Variants in C14orf39 observed in about 807,000 individuals in gnomAD.
C14orf39 encodes chromosome 14 open reading frame 39.
In C14orf39, 66 loss-of-function variants were observed where a neutral mutation model predicts 85.6. The ratio of observed to expected loss-of-function variants is 0.77; its 90% confidence interval spans 0.63 to 0.95. The LOEUF is 0.95. Ranked by LOEUF, C14orf39 falls within the 40% of genes least tolerant of loss-of-function variation. The pLI, the probability that C14orf39 is intolerant of heterozygous loss-of-function variation, is 0.00. For missense variants in C14orf39, 735 were observed against 663.9 expected (o/e 1.11, Z -1.18); for synonymous variants, 242 against 214.0 (o/e 1.13, Z -1.14).
At chr14:60,505,770 A>G (rs1391514636) in intron 1 of C14orf39, among the ~76,000 whole-genome samples, 2 of 152,382 alleles carry the variant, frequency 1.3e-5, no homozygotes, top group East Asian at 3.9e-4. Flanking sequence ...AAAGTCAAAG[A>G]AAAGATAAGA....
At chr14:60,481,420 G>C (rs1034157348) in intron 4 of C14orf39, among the ~76,000 whole-genome samples, 2 of 152,102 alleles carry the variant, frequency 1.3e-5, no homozygotes, top group Non-Finnish European at 2.9e-5. Flanking sequence ...ACTTTGGGAG[G>C]CCGAAGTGGG....
In C14orf39 at chr14:60,484,774, C is replaced by T. The variant is rs529789957; in HGVS notation, c.106+107G>A. On this transcript the variant is annotated intron_variant, in intron 3 of 17. Transcript: ENST00000321731. The surrounding 1 kb of genome is among the most constrained non-coding windows in gnomAD (Gnocchi z 4.2). ...TATTTGTCGCTAGAGAGAACTGACACAAAAGTTATAACGCCAACAATAAGT... is the reference window on the plus strand; with the variant it reads ...TATTTGTCGCTAGAGAGAACTGACATAAAAGTTATAACGCCAACAATAAGT... 1.0e-5 allele frequency: 8 copies of T among 775,258 alleles called. No homozygotes were observed. Among genetic ancestry groups the T allele is most frequent in the East Asian group, 2.7e-5 (1 of 37,080 alleles). The allele number at this position is 775,258 out of a possible 1,614,324, so 48.0% of individuals were successfully genotyped here.
chr14:60,511,045 G>A, intron 1 of C14orf39: 1 of 1,604,040 alleles, frequency 6.2e-7, no homozygotes, highest in Non-Finnish European at 8.5e-7. Context: ...GGGCGGCTGT[G>A]TTACGAGCTG....
chr14:60,446,217 C>T (rs533554357), intron 16 of C14orf39, among the ~76,000 whole-genome samples: 22 of 152,184 alleles, frequency 1.4e-4, no homozygotes, highest in African/African-American at 4.6e-4. Flanking sequence ...AAGATCAGAG[C>T]AGAACTGAAG....
chr14:60,510,395 G>A (rs1690116300), intron 1 of C14orf39, among the ~76,000 whole-genome samples: 1 of 152,186 alleles, frequency 6.6e-6, no homozygotes, highest in South Asian at 2.1e-4. Flanking sequence ...TCAAAGCCCA[G>A]GTATATCCCT....
chr14:60,457,039 T>C lies in C14orf39; in HGVS notation c.1236A>G (p.Glu412=), dbSNP rs1473875116. ...KSVENDSDEV[E]ERAENFPRTS... is the part of the protein sequence containing the mutation. Reference sequence around the variant, plus strand: ...TTCGTGGAAAATTCTCAGCTCTCTCTTCTACTTCATCACTATCATTTTCTA... The same window carrying C: ...TTCGTGGAAAATTCTCAGCTCTCTCCTCTACTTCATCACTATCATTTTCTA... Residue 412 remains glutamate, a synonymous_variant, in exon 15 of 18, where the codon GAA becomes GAG. Coordinates refer to ENST00000321731, the MANE Select transcript of C14orf39 (RefSeq NM_174978.3). 1.9e-6 allele frequency: 3 copies of C among 1,609,850 alleles called. No homozygotes were observed. The highest frequency in any genetic ancestry group is 2.5e-6 in the Non-Finnish European group (3 of 1,177,700).
At chr14:60,490,522 G>T (rs902665398), upstream of C14orf39, among the ~76,000 whole-genome samples, 1 of 151,990 alleles carries the variant, frequency 6.6e-6, no homozygotes, top group Non-Finnish European at 1.5e-5. Flanking sequence ...TACTTGGGAG[G>T]CTGGGGCGGG....
At chr14:60,471,007 G>T (rs1240039242) in intron 7 of C14orf39, among the ~76,000 whole-genome samples, 1 of 151,946 alleles carries the variant, frequency 6.6e-6, no homozygotes, top group African/African-American at 2.4e-5. Flanking sequence ...TTGGAAGAGA[G>T]CTCTGTATCG....
chr14:60,463,985 C>T (rs1259812288), intron 11 of C14orf39, among the ~76,000 whole-genome samples: 2 of 152,062 alleles, frequency 1.3e-5, no homozygotes, highest in Non-Finnish European at 2.9e-5. Flanking sequence ...CTTTAAAAAA[C>T]AAAGAAACAA....
At chr14:60,511,613 T>C (rs2140190190) in intron 1 of C14orf39, 2 of 423,278 alleles carry the variant, frequency 4.7e-6, no homozygotes, top group South Asian at 2.3e-5. Flanking sequence ...GTTACATATG[T>C]ATAACTTTCG....
At position 60,461,609 on chromosome 14, in the gene C14orf39, T is replaced by A; in HGVS notation, c.973-16A>T. On this transcript the variant is annotated splice_polypyrimidine_tract_variant and intron_variant, in intron 11 of 17. Coordinates refer to ENST00000321731, the MANE Select transcript of C14orf39 (RefSeq NM_174978.3). ...CATTAAATATCTGAAAGAAAGAAATTAAGCATCTGACTTGGCTACACAAAG... is the reference window on the plus strand; with the variant it reads ...CATTAAATATCTGAAAGAAAGAAATAAAGCATCTGACTTGGCTACACAAAG... 1 of 1,502,244 alleles carries A rather than the reference T, an allele frequency of 6.7e-7. No homozygotes were observed. The highest frequency in any genetic ancestry group is 8.9e-7 in the Non-Finnish European group (1 of 1,118,686). The allele number at this position is 1,502,244 out of a possible 1,614,324, so 93.1% of individuals were successfully genotyped here. A position where few individuals can be genotyped will look rare whatever the true frequency, so the allele number is the denominator to read the frequency against.
chr14:60,455,894 T>A (rs1157927522), intron 15 of C14orf39, among the ~76,000 whole-genome samples: 1 of 152,148 alleles, frequency 6.6e-6, no homozygotes, highest in Non-Finnish European at 1.5e-5. Context: ...CTGATGATAC[T>A]GCCATAACTA....
chr14:60,473,433 CT>C (rs1295057996), intron 5 of C14orf39, among the ~76,000 whole-genome samples: 3 of 152,128 alleles, frequency 2.0e-5, no homozygotes, highest in Non-Finnish European at 2.9e-5. Context: ...TCAATTTTGG[CT>C]TTTGTTGCCA....
chr14:60,468,927 G>C (rs1555357729), intron 8 of C14orf39, among the ~76,000 whole-genome samples: 11 of 151,300 alleles, frequency 7.3e-5, no homozygotes. Flanking sequence ...TAAGTATACA[G>C]TATTTAACAT....
chr14:60,464,762 C>T (rs1215176818), intron 11 of C14orf39, among the ~76,000 whole-genome samples: 1 of 151,956 alleles, frequency 6.6e-6, no homozygotes, highest in African/African-American at 2.4e-5. Context: ...ATAGCATATA[C>T]CTGTATTTGT....
Position 60,442,072 on chromosome 14 carries a change from A to G in C14orf39, c.1561+2T>C. 2 of 1,608,008 alleles carry G rather than the reference A, an allele frequency of 1.2e-6. No individual in the cohort carries two copies. The highest frequency in any genetic ancestry group is 1.7e-6 in the Non-Finnish European group (2 of 1,175,230). On this transcript the variant is annotated splice_donor_variant, in intron 17 of 17. Coordinates refer to ENST00000321731, the MANE Select transcript of C14orf39 (RefSeq NM_174978.3). LOFTEE classifies it high-confidence loss of function. ...AAAGGTAGCAAACTTCAAACAACTT[A>G]CCAATCTCTTGCTCTGATGACAGAG...
At chr14:60,462,343 C>A (rs539969461) in intron 11 of C14orf39, among the ~76,000 whole-genome samples, 1 of 152,060 alleles carries the variant, frequency 6.6e-6, no homozygotes, top group African/African-American at 2.4e-5. Context: ...GAGCCATGAT[C>A]GCGCCACTAC....
At chr14:60,509,505 C>G (rs1325988447) in intron 1 of C14orf39, 1 of 1,604,486 alleles carries the variant, frequency 6.2e-7, no homozygotes, top group Non-Finnish European at 8.5e-7. Flanking sequence ...TTCCTCTGGT[C>G]GCTGCCCGTG....
At chr14:60,481,365 T>G (rs1479431154) in intron 4 of C14orf39, among the ~76,000 whole-genome samples, 1 of 152,132 alleles carries the variant, frequency 6.6e-6, no homozygotes, top group African/African-American at 2.4e-5. Flanking sequence ...TTAATCAAAA[T>G]TTATGCTTGG....
Sources: allele counts gnomAD v4.1 joint callset (sites outside exome capture counted in the v4.1 genomes callset), GRCh38; gene constraint gnomAD v4.1.1; non-coding constraint Gnocchi (gnomAD v3.1); transcripts MANE v1.5; gene names NCBI Gene and HGNC (gene_info 2026-07-23, HGNC 2026-07-21).